The following NAV2 variants were observed in gnomAD, a reference collection of about 807,000 sequenced individuals.
The protein encoded by NAV2 is neuron navigator 2.
In NAV2, 54 loss-of-function variants were observed where a neutral mutation model predicts 223.2. The observed-to-expected ratio is 0.24, with a 90% CI of 0.19 to 0.30. The LOEUF is 0.30. NAV2 is among the 10% of genes least tolerant of loss of function. The pLI, the probability that NAV2 is intolerant of heterozygous loss-of-function variation, is 1.00. For missense variants in NAV2, 2,806 were observed against 3,147.5 expected (o/e 0.89, Z 2.60); for synonymous variants, 1,279 against 1,239.3 (o/e 1.03, Z -0.67).
chr11:19,726,956 A>T (rs1022774186), intron 1 of NAV2, among the ~76,000 whole-genome samples: 1 of 152,234 alleles, frequency 6.6e-6, no homozygotes, highest in Non-Finnish European at 1.5e-5. Flanking sequence ...AACTGCCTCA[A>T]ATAACCCCCT....
At chr11:20,064,577 A>G (rs1378588278) in intron 20 of NAV2, among the ~76,000 whole-genome samples, 6 of 151,910 alleles carry the variant, frequency 3.9e-5, no homozygotes, top group Non-Finnish European at 5.9e-5. Context: ...GTGTGTCTTC[A>G]GATCTAGGAA....
intron 1 of NAV2, among the ~76,000 whole-genome samples, chr11:19,533,607 A>G (rs1036006946): frequency 6.6e-6 from 1 of 152,024 alleles, no homozygotes; most frequent in Non-Finnish European, 1.5e-5. Flanking sequence ...TCCTGGAAAT[A>G]TCACATACTG....
At chr11:19,558,207 G>A (rs940469004) in intron 1 of NAV2, among the ~76,000 whole-genome samples, 3 of 152,094 alleles carry the variant, frequency 2.0e-5, no homozygotes, top group Non-Finnish European at 4.4e-5. Flanking sequence ...CTATTGCTGC[G>A]AAACAAACCA....
intron 1 of NAV2, among the ~76,000 whole-genome samples, chr11:19,378,238 AC>A (rs1305516439): frequency 6.6e-6 from 1 of 152,144 alleles, no homozygotes; most frequent in Non-Finnish European, 1.5e-5. Context: ...GTTGCAATGG[AC>A]TTTCAGGCAA....
chr11:19,793,206 C>CAAAAAAAAAAAAAAAAAAAAA (rs557365857), intron 1 of NAV2, among the ~76,000 whole-genome samples: 2 of 58,260 alleles, frequency 3.4e-5, no homozygotes, highest in Non-Finnish European at 7.1e-5. Flanking sequence ...CACTCTGTCT[C>CAAAAAAAAAAAAAAAAAAAAA]AAAAAAAAAA....
At chr11:19,372,215 A>C (rs1848495634) in intron 1 of NAV2, among the ~76,000 whole-genome samples, 2 of 152,192 alleles carry the variant, frequency 1.3e-5, no homozygotes, top group African/African-American at 4.8e-5. Context: ...TGAATGCCTC[A>C]GTTTCCTCAT....
At chr11:20,014,706 A>C (rs920651719) in intron 11 of NAV2, among the ~76,000 whole-genome samples, 22 of 152,292 alleles carry the variant, frequency 1.4e-4, no homozygotes, top group African/African-American at 5.3e-4. Flanking sequence ...GTTCAAGACC[A>C]GCCTGGACAA....
intron 1 of NAV2, among the ~76,000 whole-genome samples, chr11:19,588,195 G>C (rs1303089252): frequency 6.6e-6 from 1 of 152,208 alleles, no homozygotes; most frequent in South Asian, 2.1e-4. Context: ...GTTGACCCCA[G>C]AGTCCACTGG....
chr11:19,683,202 G>C (rs146291382), intron 1 of NAV2, among the ~76,000 whole-genome samples: 38 of 152,348 alleles, frequency 2.5e-4, no homozygotes, highest in African/African-American at 7.7e-4. Context: ...GAAGTCATCA[G>C]TGGCCTTCTT....
intron 11 of NAV2, among the ~76,000 whole-genome samples, chr11:20,005,872 G>A (rs1414128104): frequency 6.6e-6 from 1 of 152,204 alleles, no homozygotes; most frequent in African/African-American, 2.4e-5. Context: ...TAACATGTAT[G>A]TAGCATACAC....
At chr11:19,624,268 G>A (rs2047097074) in intron 1 of NAV2, among the ~76,000 whole-genome samples, 1 of 152,166 alleles carries the variant, frequency 6.6e-6, no homozygotes, top group South Asian at 2.1e-4. Context: ...ACTCCATGCT[G>A]GGAGTACCAC....
chr11:20,005,566 GAAA>G (rs59651537), intron 11 of NAV2, among the ~76,000 whole-genome samples: 22 of 139,022 alleles, frequency 1.6e-4, no homozygotes, highest in South Asian at 4.5e-4. Flanking sequence ...TTAAAAAAAA[GAAA>G]AAAAAAAAAA....
At chr11:19,554,082 G>C (rs571460645) in intron 1 of NAV2, among the ~76,000 whole-genome samples, 10 of 152,212 alleles carry the variant, frequency 6.6e-5, no homozygotes, top group Non-Finnish European at 1.5e-4. Flanking sequence ...GAAATTCTGC[G>C]CTCTAAGCCA....
At position 20,105,492 on chromosome 11, in the gene NAV2, A is replaced by G. The variant is rs377208043; in HGVS notation, c.6645-39A>G. On this transcript the variant is annotated intron_variant, in intron 34 of 37. Coordinates refer to ENST00000349880, the MANE Select transcript of NAV2 (RefSeq NM_145117.5). The stretch of plus-strand genomic sequence containing the variant: ...CCTGAGGTCAGCCATCATTTGGATC[A>G]CCATCATCAGCTTGAAAAGTGTTTC... 37 of 1,561,824 alleles carry G rather than the reference A, an allele frequency of 2.4e-5. No individual in the cohort carries two copies. The East Asian group carries it at 2.9e-4, about 12-fold the overall frequency.
chr11:19,675,900 G>A (rs906976717), intron 1 of NAV2, among the ~76,000 whole-genome samples: 11 of 152,164 alleles, frequency 7.2e-5, no homozygotes. Context: ...TGCTTACTCT[G>A]TACCATGCAT....
At chr11:19,520,811 C>A (rs2134321416) in intron 1 of NAV2, among the ~76,000 whole-genome samples, 1 of 152,340 alleles carries the variant, frequency 6.6e-6, no homozygotes, top group African/African-American at 2.4e-5. Flanking sequence ...CTGCTGGTCT[C>A]AGTCCCAAGC....
At chr11:19,924,557 T>C (rs1235461848) in intron 6 of NAV2, among the ~76,000 whole-genome samples, 1 of 152,210 alleles carries the variant, frequency 6.6e-6, no homozygotes, top group African/African-American at 2.4e-5. Context: ...TTCTGTCTGT[T>C]AGGATAATGT....
chr11:19,363,699 A>G (rs1192315465), intron 1 of NAV2, among the ~76,000 whole-genome samples: 1 of 152,210 alleles, frequency 6.6e-6, no homozygotes, highest in East Asian at 1.9e-4. Flanking sequence ...CAGACCCACA[A>G]GACCGCCCCA....
At chr11:19,744,880 C>G (rs1436685820) in intron 1 of NAV2, among the ~76,000 whole-genome samples, 1 of 152,170 alleles carries the variant, frequency 6.6e-6, no homozygotes, top group Non-Finnish European at 1.5e-5. Flanking sequence ...GGCCATTGTC[C>G]TCCTGGTAGG....
Sources: gnomAD v4.1 joint callset for allele counts (sites outside exome capture counted in the v4.1 genomes callset) on GRCh38, gnomAD v4.1.1 for gene constraint, MANE v1.5 for transcripts, NCBI Gene and HGNC (gene_info 2026-07-23, HGNC 2026-07-21) for gene names.